Variants in SMIM20 observed in about 807,000 individuals in gnomAD.
The protein encoded by SMIM20 is small integral membrane protein 20.
In SMIM20, 3 loss-of-function variants were observed where a neutral mutation model predicts 8.7. That is an observed-to-expected ratio of 0.34 (90% confidence interval 0.16 to 0.89). The LOEUF (loss-of-function observed/expected upper bound fraction) is 0.89, where lower values mean the gene tolerates loss of function less well. Ranked by LOEUF, SMIM20 falls within the 40% of genes least tolerant of loss-of-function variation. The pLI is 0.49. For synonymous variants in SMIM20, 44 were observed against 33.6 expected (o/e 1.31, Z -1.07); for missense variants, 85 against 84.8 (o/e 1.00, Z -0.01).
intron 1 of SMIM20, among the ~76,000 whole-genome samples, chr4:25,923,326 C>T (rs1719231923): frequency 6.6e-6 from 1 of 152,318 alleles, no homozygotes; most frequent in Admixed American, 6.5e-5. Context: ...AAATAACATG[C>T]ATTTGAGGCC....
intron 2 of SMIM20, 151 bp from the exon 3 acceptor site, chr4:25,929,003 T>G: frequency 1.2e-6 from 1 of 866,702 alleles, no homozygotes; most frequent in Non-Finnish European, 1.7e-6. Flanking sequence ...GGCCATTTAA[T>G]GCCAAGGTTC....
At chr4:25,920,347 C>A (rs1719174350) in intron 1 of SMIM20, among the ~76,000 whole-genome samples, 1 of 151,582 alleles carries the variant, frequency 6.6e-6, no homozygotes, top group African/African-American at 2.4e-5. Context: ...TGGGCCTAGG[C>A]TAATATATAT....
Position 25,929,320 on chromosome 4 carries a change from A to G in SMIM20, c.*129A>G. On this transcript the variant is annotated 3_prime_UTR_variant, in exon 3 of 3. Transcript: ENST00000506197. ...AAAACTCTGTAATACCATAAATAAG[A>G]GTGCTTGTAATAAAAGACTGTGCAC... The G allele has an allele frequency of 1.2e-6, 1 of 864,454 alleles. No homozygotes were observed. Among genetic ancestry groups the G allele is most frequent in the Non-Finnish European group, 1.8e-6 (1 of 561,882 alleles). 53.5% of individuals were successfully genotyped at this position (864,454 alleles called of 1,614,324 possible).
chr4:25,925,548 A>C (rs1232001759), intron 1 of SMIM20, among the ~76,000 whole-genome samples: 1 of 152,050 alleles, frequency 6.6e-6, no homozygotes, highest in Non-Finnish European at 1.5e-5. Context: ...AGTTGCTTTT[A>C]AGTATTTATT....
rs1328749001 is a variant in SMIM20, at chr4:25,928,383, A to G, written c.166+14A>G. ...TGCAGCCACCAGGTAAACTGAAAAA[A>G]AAAAATCAAAACCAAATCTTATTTG... On this transcript the variant is annotated intron_variant, in intron 2 of 2. Coordinates refer to ENST00000506197, the MANE Select transcript of SMIM20 (RefSeq NM_001145432.3). 9.0e-6 allele frequency: 14 copies of G among 1,548,774 alleles called. No individual in the cohort carries two copies. In the East Asian group the frequency reaches 2.2e-4, roughly 24 times the overall value.
At chr4:25,922,618 C>A (rs1323394769) in intron 1 of SMIM20, among the ~76,000 whole-genome samples, 1 of 152,182 alleles carries the variant, frequency 6.6e-6, no homozygotes, top group Non-Finnish European at 1.5e-5. Flanking sequence ...CTTGTTAGGC[C>A]TTCTCTCCTG....
chr4:25,914,934 T>C (rs1719052937), intron 1 of SMIM20, among the ~76,000 whole-genome samples: 1 of 152,094 alleles, frequency 6.6e-6, no homozygotes, highest in Non-Finnish European at 1.5e-5. Context: ...ACCCCAGGCC[T>C]CTGTCCAGAG....
At chr4:25,926,688 G>T (rs1711519953) in intron 1 of SMIM20, among the ~76,000 whole-genome samples, 1 of 152,194 alleles carries the variant, frequency 6.6e-6, no homozygotes, top group Admixed American at 6.5e-5. Context: ...AGCTTCTTTT[G>T]CCTTGCAGTA....
chr4:25,924,331 G>A (rs963797087), intron 1 of SMIM20, among the ~76,000 whole-genome samples: 1 of 152,158 alleles, frequency 6.6e-6, no homozygotes, highest in Non-Finnish European at 1.5e-5. Context: ...ACAGTTATGT[G>A]GTTTTTGTTA....
At chr4:25,918,596 C>T (rs934683694) in intron 1 of SMIM20, among the ~76,000 whole-genome samples, 2 of 151,908 alleles carry the variant, frequency 1.3e-5, no homozygotes, top group African/African-American at 4.8e-5. Context: ...CTGCAACCTC[C>T]GCTTCCCAGG....
chr4:25,927,542 G>C (rs538512714), intron 1 of SMIM20, among the ~76,000 whole-genome samples: 2 of 152,312 alleles, frequency 1.3e-5, no homozygotes, highest in Non-Finnish European at 2.9e-5. Context: ...AGTGGTAAAC[G>C]TCCTTTGGCT....
At position 25,929,173 on chromosome 4, in the gene SMIM20, TC is replaced by T; in HGVS notation, c.188del (p.Pro63HisfsTer14). 1 of 1,552,078 alleles carries T rather than the reference TC, an allele frequency of 6.4e-7. No homozygotes were observed. Among genetic ancestry groups the T allele is most frequent in the African/African-American group, 1.4e-5 (1 of 73,160 alleles). ...CCATAGGGTTAAAAGTGTGGTCTGATCCATTTGGCAGGAAATGAGAGGGCTG... is the reference window on the plus strand; with the variant it reads ...CCATAGGGTTAAAAGTGTGGTCTGATCATTTGGCAGGAAATGAGAGGGCTG... ...QPPGLKVWSD[P>X]FGRK is the part of the protein sequence containing the mutation. On this transcript the variant is annotated frameshift_variant, in exon 3 of 3. Transcript: ENST00000506197. LOFTEE classifies it high-confidence loss of function.
At chr4:25,916,666 G>C (rs1388876545) in intron 1 of SMIM20, among the ~76,000 whole-genome samples, 1 of 152,036 alleles carries the variant, frequency 6.6e-6, no homozygotes, top group Non-Finnish European at 1.5e-5. Flanking sequence ...AGTGATTCTT[G>C]TGCCTCAGCC....
chr4:25,923,636 C>T (rs1719237496), intron 1 of SMIM20, among the ~76,000 whole-genome samples: 1 of 152,214 alleles, frequency 6.6e-6, no homozygotes, highest in Non-Finnish European at 1.5e-5. Flanking sequence ...TGTGAGACCT[C>T]AGTTCTGCTG....
intron 1 of SMIM20, among the ~76,000 whole-genome samples, chr4:25,918,889 CTTTTTTTTTTT>C (rs775952783): frequency 0.01 from 943 of 91,700 alleles, 17 homozygotes; most frequent in African/African-American, 0.035. Context: ...ATGTGAATAT[CTTTTTTTTTTT>C]TTTTTTTTTT....
At chr4:25,916,867 G>A (rs1014157815) in intron 1 of SMIM20, among the ~76,000 whole-genome samples, 21 of 152,188 alleles carry the variant, frequency 1.4e-4, no homozygotes, top group Admixed American at 2.0e-4. Flanking sequence ...TGGGCAGAGC[G>A]TTTACACAGC....
At chr4:25,915,486 G>A (rs1451477201) in intron 1 of SMIM20, among the ~76,000 whole-genome samples, 1 of 152,222 alleles carries the variant, frequency 6.6e-6, no homozygotes, top group Non-Finnish European at 1.5e-5. Flanking sequence ...TACAAATGTT[G>A]CAGCAGTCGA....
rs1719038673 is a variant in SMIM20 at position 25,914,442 on chromosome 4, T to G, written c.109+20T>G. The G allele has an allele frequency of 2.1e-6, 3 of 1,449,526 alleles. No homozygotes were observed. In the African/African-American group the frequency reaches 4.3e-5, roughly 21 times the overall value. 89.8% of individuals were successfully genotyped at this position (1,449,526 alleles called of 1,614,324 possible). A position where few individuals can be genotyped will look rare whatever the true frequency, so the allele number is the denominator to read the frequency against. On this transcript the variant is annotated intron_variant, in intron 1 of 2. Coordinates refer to ENST00000506197, the MANE Select transcript of SMIM20 (RefSeq NM_001145432.3). ...AGTACAGTGAGTGATCTCTAACCCC[T>G]TGCGGTGACCTGACTCCCCAACACA...
chr4:25,919,389 A>T (rs1206967088), intron 1 of SMIM20, among the ~76,000 whole-genome samples: 20 of 150,598 alleles, frequency 1.3e-4, no homozygotes, highest in Admixed American at 1.3e-3. Context: ...CCAGATTGTT[A>T]GTGCAGTGGC....
Sources: allele counts gnomAD v4.1 joint callset (sites outside exome capture counted in the v4.1 genomes callset), GRCh38; gene constraint gnomAD v4.1.1; transcripts MANE v1.5; gene names NCBI Gene and HGNC (gene_info 2026-07-23, HGNC 2026-07-21).